GLI3: variants seen among roughly 807,000 people sequenced by gnomAD.
GLI3 encodes the protein transcription activator GLI3.
Under a neutral mutation model 100.8 loss-of-function variants are expected in GLI3, and 20 were observed. The observed-to-expected ratio is 0.20, with a 90% CI of 0.14 to 0.29. The LOEUF (loss-of-function observed/expected upper bound fraction) is 0.29, where lower values mean the gene tolerates loss of function less well. Ranked by LOEUF, GLI3 falls within the 10% of genes least tolerant of loss-of-function variation. The probability of loss-of-function intolerance (pLI) is 1.00; values close to 1 mark genes in which losing one functional copy is unlikely to be tolerated. For missense variants in GLI3, 2,040 were observed against 2,128.5 expected (o/e 0.96, Z 0.82); for synonymous variants, 938 against 860.5 (o/e 1.09, Z -1.58).
intron 4 of GLI3, among the ~76,000 whole-genome samples, chr7:42,055,090 T>C (rs546897893): frequency 2.2e-5 from 3 of 134,848 alleles, no homozygotes; most frequent in South Asian, 2.2e-4. Context: ...TATATATACA[T>C]ATATACACAT....
chr7:42,046,821 T>C (rs1370258387), intron 5 of GLI3, among the ~76,000 whole-genome samples: 1 of 152,216 alleles, frequency 6.6e-6, no homozygotes, highest in African/African-American at 2.4e-5. Flanking sequence ...AAATAAAATC[T>C]GAAGCAGAAA....
chr7:42,035,639 G>A (rs562861753), intron 7 of GLI3, among the ~76,000 whole-genome samples: 263 of 152,300 alleles, frequency 1.7e-3, no homozygotes, highest in Middle Eastern at 0.01. Flanking sequence ...TTAGAAATGC[G>A]TAGAGTACTC....
At chr7:42,214,392 G>A (rs1012852202) in intron 2 of GLI3, among the ~76,000 whole-genome samples, 2 of 151,718 alleles carry the variant, frequency 1.3e-5, no homozygotes, top group Non-Finnish European at 2.9e-5. Flanking sequence ...TACCATTTAC[G>A]GAACCATGTG....
At chr7:42,252,724 T>C (rs1209447740) in intron 1 of GLI3, among the ~76,000 whole-genome samples, 1 of 152,188 alleles carries the variant, frequency 6.6e-6, no homozygotes, top group East Asian at 1.9e-4. Flanking sequence ...TTCTAAATGA[T>C]ATCTTTTTAA....
At chr7:42,132,563 C>T (rs1055142839) in intron 3 of GLI3, among the ~76,000 whole-genome samples, 1 of 152,028 alleles carries the variant, frequency 6.6e-6, no homozygotes, top group Admixed American at 6.5e-5. Flanking sequence ...AAATAGTCAT[C>T]GCATATAGAA....
intron 3 of GLI3, among the ~76,000 whole-genome samples, chr7:42,139,173 CT>C (rs143104495): frequency 0.02 from 2,960 of 149,096 alleles, 94 homozygotes; most frequent in African/African-American, 0.069. Context: ...AAACTCAATG[CT>C]TTTTTTTTTC....
chr7:42,128,358 T>TA (rs1453127803), intron 3 of GLI3, among the ~76,000 whole-genome samples: 7 of 151,196 alleles, frequency 4.6e-5, no homozygotes, highest in Middle Eastern at 3.4e-3. Context: ...TCCATTTGGT[T>TA]AAAAAAAAAT....
intron 2 of GLI3, 128 bp downstream of exon 2, chr7:42,223,002 T>A: frequency 5.9e-6 from 6 of 1,017,264 alleles, no homozygotes; most frequent in Non-Finnish European, 9.1e-6. Flanking sequence ...CCGCCCCTGC[T>A]CCATTTGCTT....
At chr7:42,253,223 A>C (rs1190242293) in intron 1 of GLI3, among the ~76,000 whole-genome samples, 2 of 152,244 alleles carry the variant, frequency 1.3e-5, no homozygotes, top group Non-Finnish European at 2.9e-5. Flanking sequence ...TGGGAGGCTC[A>C]CTGTGCCCCT....
upstream of GLI3, among the ~76,000 whole-genome samples, chr7:42,238,727 A>G (rs1169653616): frequency 6.6e-6 from 1 of 151,488 alleles, no homozygotes; most frequent in African/African-American, 2.4e-5. Flanking sequence ...AATATATCCA[A>G]CCTGGACATG....
intron 2 of GLI3, among the ~76,000 whole-genome samples, chr7:42,184,392 C>A (rs1026101779): frequency 1.3e-5 from 2 of 152,188 alleles, no homozygotes; most frequent in Non-Finnish European, 2.9e-5. Flanking sequence ...GCTATCTCAT[C>A]AGCCCATTTA....
intron 2 of GLI3, among the ~76,000 whole-genome samples, chr7:42,181,575 A>C (rs1787594974): frequency 6.6e-6 from 1 of 152,226 alleles, no homozygotes; most frequent in Non-Finnish European, 1.5e-5. Flanking sequence ...TTTGCATTCT[A>C]GCCTGGGTGC....
At chr7:42,161,624 G>A (rs552700001) in intron 2 of GLI3, among the ~76,000 whole-genome samples, 9 of 152,252 alleles carry the variant, frequency 5.9e-5, no homozygotes, top group South Asian at 2.1e-4. Flanking sequence ...TACAGATGAC[G>A]GAAATAGGCT....
At chr7:42,006,047 A>G (rs553516599) in intron 10 of GLI3, among the ~76,000 whole-genome samples, 82 of 152,332 alleles carry the variant, frequency 5.4e-4, no homozygotes, top group Admixed American at 8.5e-4. Flanking sequence ...ACTTATCCCT[A>G]ATTTGAATAT....
At chr7:42,093,312 G>C (rs1432883122) in intron 3 of GLI3, among the ~76,000 whole-genome samples, 1 of 151,356 alleles carries the variant, frequency 6.6e-6, no homozygotes, top group African/African-American at 2.4e-5. Context: ...CCGGGAGGCG[G>C]CGGTTGCAGT....
intron 13 of GLI3, among the ~76,000 whole-genome samples, chr7:41,968,706 AAAGAAAG>A (rs1473546487): frequency 1.8e-5 from 2 of 113,760 alleles, no homozygotes; most frequent in African/African-American, 7.9e-5. Flanking sequence ...AGAAAGAAAG[AAAGAAAG>A]AAGAAAGAAA....
At chr7:42,147,211 T>C (rs1394279450) in intron 3 of GLI3, among the ~76,000 whole-genome samples, 1 of 152,148 alleles carries the variant, frequency 6.6e-6, no homozygotes, top group Non-Finnish European at 1.5e-5. Context: ...AGCCAACTAA[T>C]GAAGGGATGA....
chr7:42,196,565 T>C (rs1033973469), intron 2 of GLI3, among the ~76,000 whole-genome samples: 1 of 152,212 alleles, frequency 6.6e-6, no homozygotes, highest in African/African-American at 2.4e-5. Flanking sequence ...ATTAAATTTA[T>C]ATAGATTTTT....
At chr7:42,258,564 G>A (rs62443842) in intron 1 of GLI3, among the ~76,000 whole-genome samples, 1 of 152,008 alleles carries the variant, frequency 6.6e-6, no homozygotes, top group African/African-American at 2.4e-5. Context: ...TCTTCCATTT[G>A]GGCTACAATA....
Sources: allele counts gnomAD v4.1 joint callset (sites outside exome capture counted in the v4.1 genomes callset), GRCh38; gene constraint gnomAD v4.1.1; transcripts MANE v1.5; gene names NCBI Gene and HGNC (gene_info 2026-07-23, HGNC 2026-07-21).